Variants in RPS6KA5 observed in about 807,000 individuals in gnomAD.
The protein encoded by RPS6KA5 is ribosomal protein S6 kinase A5.
In RPS6KA5, 27 loss-of-function variants were observed where a neutral mutation model predicts 85.5. The ratio of observed to expected loss-of-function variants is 0.32; its 90% confidence interval spans 0.23 to 0.44. The LOEUF (loss-of-function observed/expected upper bound fraction) is 0.44. Ranked by LOEUF, RPS6KA5 falls within the 20% of genes least tolerant of loss-of-function variation. The probability of loss-of-function intolerance (pLI) is 1.00; values close to 1 mark genes in which losing one functional copy is unlikely to be tolerated. For synonymous variants in RPS6KA5, 334 were observed against 348.2 expected (o/e 0.96, Z 0.46); for missense variants, 811 against 980.9 (o/e 0.83, Z 2.31).
At chr14:90,988,154 A>T (rs555482136) in intron 2 of RPS6KA5, among the ~76,000 whole-genome samples, 16 of 152,342 alleles carry the variant, frequency 1.1e-4, no homozygotes, top group Middle Eastern at 6.8e-3. Context: ...ATGGAAATAA[A>T]TGCATCAGCA....
At chr14:91,028,947 A>G (rs1305057529) in intron 1 of RPS6KA5, among the ~76,000 whole-genome samples, 1 of 152,246 alleles carries the variant, frequency 6.6e-6, no homozygotes, top group Non-Finnish European at 1.5e-5. Flanking sequence ...CATCTGAAGT[A>G]ATATATCTGA....
rs1241146721 is a variant in RPS6KA5, at chr14:90,868,101, A to C, written c.*3973T>G. 6.6e-6 allele frequency: 1 copy of C among 152,202 alleles called. No homozygotes were observed. Among genetic ancestry groups the C allele is most frequent in the Non-Finnish European group, 1.5e-5 (1 of 68,018 alleles). The allele number at this position is 152,202 out of a possible 1,614,324, so 9.4% of individuals were successfully genotyped here. On this transcript the variant is annotated 3_prime_UTR_variant, in exon 17 of 17. Coordinates refer to ENST00000614987, the MANE Select transcript of RPS6KA5 (RefSeq NM_004755.4). ...TACTCTTAAGGAAAATATTTTCTCT[A>C]AAGAATGTCACAATTTGGAGTGAAG...
intron 1 of RPS6KA5, among the ~76,000 whole-genome samples, chr14:91,024,032 TTTTC>T (rs1437247785): frequency 1.3e-5 from 2 of 152,224 alleles, no homozygotes; most frequent in Admixed American, 1.3e-4. Flanking sequence ...ACATGTTACA[TTTTC>T]TTTGCCTGTT....
Position 90,920,280 on chromosome 14 carries a change from T to G in RPS6KA5, c.732A>C (p.Leu244=), listed in dbSNP as rs201424443. Residue 244 remains leucine, a synonymous_variant, in exon 7 of 17, where the codon CTA becomes CTC. Coordinates refer to ENST00000614987, the MANE Select transcript of RPS6KA5 (RefSeq NM_004755.4). ...ATGCTCCAGTTAGTAATTCATACAT[T>G]AGAACACCCAAACTCCACCAGTCAA... The part of the protein sequence containing the change: ...KAVDWWSLGV[L]MYELLTGASP... The G allele has an allele frequency of 6.2e-7, 1 of 1,612,066 alleles. No homozygotes were observed. Among genetic ancestry groups the G allele is most frequent in the Non-Finnish European group, 8.5e-7 (1 of 1,178,594 alleles).
intron 14 of RPS6KA5, among the ~76,000 whole-genome samples, chr14:90,888,943 T>TA (rs2034392740): frequency 6.6e-6 from 1 of 152,136 alleles, no homozygotes; most frequent in Non-Finnish European, 1.5e-5. Context: ...AATAGAGCTT[T>TA]AAAATGCAGT....
At chr14:90,904,740 T>C (rs2140242204) in intron 8 of RPS6KA5, among the ~76,000 whole-genome samples, 1 of 152,292 alleles carries the variant, frequency 6.6e-6, no homozygotes, top group African/African-American at 2.4e-5. Flanking sequence ...ATTTAGGCCT[T>C]TACAAGTAGA....
At chr14:91,003,742 T>C (rs1427499260) in intron 1 of RPS6KA5, among the ~76,000 whole-genome samples, 1 of 152,226 alleles carries the variant, frequency 6.6e-6, no homozygotes, top group East Asian at 1.9e-4. Context: ...GGCAGAGCTC[T>C]TCTTTCTCCC....
chr14:90,973,674 A>T (rs961375378), intron 3 of RPS6KA5, among the ~76,000 whole-genome samples: 1 of 152,162 alleles, frequency 6.6e-6, no homozygotes, highest in South Asian at 2.1e-4. Context: ...AAAAAGAACA[A>T]GGAAAAGCTT....
intron 14 of RPS6KA5, among the ~76,000 whole-genome samples, chr14:90,882,702 G>GT (rs2033928499): frequency 6.6e-6 from 1 of 151,750 alleles, no homozygotes; most frequent in Non-Finnish European, 1.5e-5. Context: ...TGCTTTGAAT[G>GT]TATCACTCCA....
intron 2 of RPS6KA5, among the ~76,000 whole-genome samples, chr14:90,986,912 T>C (rs1223630985): frequency 6.6e-6 from 1 of 152,194 alleles, no homozygotes; most frequent in African/African-American, 2.4e-5. Flanking sequence ...TCACTCTTGT[T>C]CTCCTGAGAG....
intron 5 of RPS6KA5, among the ~76,000 whole-genome samples, chr14:90,930,908 G>A (rs2036936982): frequency 6.6e-6 from 1 of 152,130 alleles, no homozygotes; most frequent in African/African-American, 2.4e-5. Flanking sequence ...GCAAAGATAC[G>A]GAGAACCTGG....
At chr14:90,877,030 A>G (rs113420519) in intron 14 of RPS6KA5, among the ~76,000 whole-genome samples, 8 of 152,180 alleles carry the variant, frequency 5.3e-5, no homozygotes, top group African/African-American at 1.9e-4. Flanking sequence ...CCAGTAAGGT[A>G]GGTAATAAAC....
At chr14:91,029,206 CAT>C (rs1324738880) in intron 1 of RPS6KA5, among the ~76,000 whole-genome samples, 1 of 152,124 alleles carries the variant, frequency 6.6e-6, no homozygotes, top group Non-Finnish European at 1.5e-5. Flanking sequence ...CTAAAAATGA[CAT>C]ATAAATTCAA....
intron 14 of RPS6KA5, among the ~76,000 whole-genome samples, chr14:90,885,385 C>CT (rs1256116796): frequency 6.6e-6 from 1 of 150,912 alleles, no homozygotes; most frequent in Non-Finnish European, 1.5e-5. Flanking sequence ...AACCTCGTCT[C>CT]TACTAGAAAT....
intron 7 of RPS6KA5, among the ~76,000 whole-genome samples, chr14:90,909,548 T>C (rs1006931899): frequency 2.0e-5 from 3 of 152,216 alleles, no homozygotes. Flanking sequence ...GAAATATGAA[T>C]ATTAATTAAA....
rs1489462647 is a variant in RPS6KA5 at position 90,869,046 on chromosome 14, AT to A, written c.*3027del. 2 of 152,132 alleles carry A rather than the reference AT, an allele frequency of 1.3e-5. No individual in the cohort carries two copies. Among genetic ancestry groups the A allele is most frequent in the Non-Finnish European group, 2.9e-5 (2 of 68,048 alleles). 9.4% of individuals were successfully genotyped at this position (152,132 alleles called of 1,614,324 possible). On this transcript the variant is annotated 3_prime_UTR_variant, in exon 17 of 17. Transcript: ENST00000614987. ...TATAAAGGTTTGGAAGAATTAATGA[AT>A]TTCTTTTTTTCTTAAGACAGGGTCT... is the stretch of plus-strand genomic sequence containing the variant.
rs2042296633 is a variant in RPS6KA5 at position 91,033,994 on chromosome 14, T to C, written c.103+26338A>G. ...AGATAAATCCAAGAACATAAGGCTA[T>C]GCTGTATGCAGCATAAAGAATTCTT... On this transcript the variant is annotated intron_variant, in intron 1 of 16. Transcript: ENST00000614987. Among the ~76,000 whole-genome samples, 3 of 152,322 alleles carry C rather than the reference T, an allele frequency of 2.0e-5. No individual in the cohort carries two copies. The South Asian group carries it at 6.2e-4, about 32-fold the overall frequency.
intron 2 of RPS6KA5, among the ~76,000 whole-genome samples, chr14:90,995,002 A>G (rs1006220335): frequency 6.6e-6 from 1 of 152,194 alleles, no homozygotes; most frequent in Non-Finnish European, 1.5e-5. Context: ...CTACCAATTC[A>G]TAAGTAGAAT....
At chr14:90,975,056 C>G (rs868318159) in intron 3 of RPS6KA5, among the ~76,000 whole-genome samples, 1 of 151,900 alleles carries the variant, frequency 6.6e-6, no homozygotes, top group African/African-American at 2.4e-5. Context: ...ATACTGATAA[C>G]AGAGGGGTAT....
Sources: allele counts gnomAD v4.1 joint callset (sites outside exome capture counted in the v4.1 genomes callset), GRCh38; gene constraint gnomAD v4.1.1; transcripts MANE v1.5; gene names NCBI Gene and HGNC (gene_info 2026-07-23, HGNC 2026-07-21).